The following GRIK2 variants were observed in gnomAD, a reference collection of about 807,000 sequenced individuals.
GRIK2 encodes the protein glutamate ionotropic receptor kainate type subunit 2.
A neutral mutation model predicts 100.3 loss-of-function variants in GRIK2; 32 were observed. The observed-to-expected ratio is 0.32, with a 90% CI of 0.24 to 0.43. The LOEUF (loss-of-function observed/expected upper bound fraction) is 0.43, where lower values mean the gene tolerates loss of function less well. Ranked by LOEUF, GRIK2 falls within the 20% of genes least tolerant of loss-of-function variation. The pLI is 1.00. For synonymous variants in GRIK2, 417 were observed against 389.4 expected, an observed-to-expected ratio of 1.07 and a Z score of -0.83; for missense variants, 843 against 1,114.9, an observed-to-expected ratio of 0.76 and a Z score of 3.47.
At chr6:101,436,399 T>A (rs1052295769) in intron 2 of GRIK2, among the ~76,000 whole-genome samples, 1 of 152,032 alleles carries the variant, frequency 6.6e-6, no homozygotes, top group African/African-American at 2.4e-5. Context: ...CTTAGTGACA[T>A]TGTTAAAAAA....
At chr6:101,633,817 C>T (rs1303814392) in intron 4 of GRIK2, among the ~76,000 whole-genome samples, 4 of 152,124 alleles carry the variant, frequency 2.6e-5, no homozygotes, top group Admixed American at 6.6e-5. Context: ...AGCTTGTAAT[C>T]CCACTATTTT....
intron 2 of GRIK2, among the ~76,000 whole-genome samples, chr6:101,486,097 A>G (rs1290036289): frequency 6.6e-6 from 1 of 152,080 alleles, no homozygotes; most frequent in East Asian, 1.9e-4. Flanking sequence ...TCTCATGTCA[A>G]GATTTTCGCT....
At chr6:101,927,033 A>G (rs1489141599) in intron 13 of GRIK2, among the ~76,000 whole-genome samples, 10 of 152,164 alleles carry the variant, frequency 6.6e-5, no homozygotes, top group Admixed American at 6.5e-4. Flanking sequence ...TGTGTGTCTG[A>G]CAGGGCCTAG....
At chr6:101,973,269 G>C (rs73763609) in intron 14 of GRIK2, among the ~76,000 whole-genome samples, 2,476 of 151,910 alleles carry the variant, frequency 0.016, 73 homozygotes, top group African/African-American at 0.058. Context: ...CTAGAATTCA[G>C]TATTTTTAGC....
intron 2 of GRIK2, among the ~76,000 whole-genome samples, chr6:101,547,567 G>T (rs929954382): frequency 3.9e-5 from 6 of 152,136 alleles, no homozygotes; most frequent in Non-Finnish European, 1.5e-5. Flanking sequence ...AGAACATGCG[G>T]TGTTTGGATT....
chr6:101,688,759 T>C (rs1352809809), intron 7 of GRIK2, among the ~76,000 whole-genome samples: 1 of 151,986 alleles, frequency 6.6e-6, no homozygotes, highest in Admixed American at 6.6e-5. Flanking sequence ...TTCTCTTTCC[T>C]TTGGTATAGT....
At chr6:101,851,396 A>G (rs1172330987) in intron 10 of GRIK2, among the ~76,000 whole-genome samples, 2 of 151,988 alleles carry the variant, frequency 1.3e-5, no homozygotes, top group Non-Finnish European at 2.9e-5. Context: ...CCTAACACCA[A>G]CTTTGATTAT....
chr6:101,547,322 G>GT (rs1776293367), intron 2 of GRIK2, among the ~76,000 whole-genome samples: 2 of 50,384 alleles, frequency 4.0e-5, no homozygotes, highest in South Asian at 6.1e-4. Flanking sequence ...CTTTTTTTTG[G>GT]ATTTTTTTTA....
chr6:101,556,575 A>G (rs1776762458), intron 2 of GRIK2, among the ~76,000 whole-genome samples: 1 of 151,910 alleles, frequency 6.6e-6, no homozygotes, highest in South Asian at 2.1e-4. Context: ...AAATTATTGA[A>G]CTATAAGAAG....
At chr6:101,662,180 G>A (rs1329162584) in intron 4 of GRIK2, among the ~76,000 whole-genome samples, 1 of 152,208 alleles carries the variant, frequency 6.6e-6, no homozygotes, top group Non-Finnish European at 1.5e-5. Context: ...TTGTGATGAA[G>A]AAAGATTAGT....
In GRIK2 at chr6:101,707,592, G is replaced by GTATATATATATA. The variant is rs1451926404; in HGVS notation, c.951+21240_951+21241insATATATATATAT. ...TATATGTGTATGTGTGTGTGTGTGT[G>GTATATATATATA]TGTATATATGTGTGTATATATATAT... On this transcript the variant is annotated intron_variant, in intron 7 of 16. Coordinates refer to ENST00000369134, the MANE Select transcript of GRIK2 (RefSeq NM_021956.5). Among the ~76,000 whole-genome samples, 565 of 127,738 alleles carry GTATATATATATA rather than the reference G, an allele frequency of 4.4e-3. 3 individuals carry two copies. Among genetic ancestry groups the GTATATATATATA allele is most frequent in the South Asian group, 0.012 (47 of 3,820 alleles). The allele number at this position is 127,738 out of a possible 152,430, so 83.8% of individuals were successfully genotyped here. A position where few individuals can be genotyped will look rare whatever the true frequency, so the allele number is the denominator to read the frequency against.
intron 7 of GRIK2, among the ~76,000 whole-genome samples, chr6:101,726,691 G>A (rs1361900915): frequency 6.6e-6 from 1 of 151,972 alleles, no homozygotes; most frequent in Non-Finnish European, 1.5e-5. Context: ...AAAATTATGT[G>A]AGCAGTATGT....
intron 14 of GRIK2, among the ~76,000 whole-genome samples, chr6:101,963,050 A>G (rs1290982139): frequency 4.0e-5 from 6 of 151,600 alleles, no homozygotes; most frequent in Non-Finnish European, 8.8e-5. Context: ...TTAGAATTTA[A>G]TGTTATTATT....
chr6:101,955,129 ATATTC>A (rs1221181749), intron 14 of GRIK2, among the ~76,000 whole-genome samples: 1 of 152,096 alleles, frequency 6.6e-6, no homozygotes, highest in African/African-American at 2.4e-5. Flanking sequence ...TTTTGCATCT[ATATTC>A]ATAAGATATA....
chr6:102,037,395 TCAA>T (rs1450240879), intron 15 of GRIK2, among the ~76,000 whole-genome samples: 4 of 151,412 alleles, frequency 2.6e-5, no homozygotes, highest in African/African-American at 9.7e-5. Context: ...TTGTTAAAAC[TCAA>T]CAATAATTGT....
intron 4 of GRIK2, among the ~76,000 whole-genome samples, chr6:101,642,597 A>G (rs1781327705): frequency 6.6e-6 from 1 of 151,792 alleles, no homozygotes; most frequent in East Asian, 1.9e-4. Context: ...AGGCTCAATT[A>G]TATTCCATTG....
chr6:101,929,840 T>G (rs1456707622), intron 14 of GRIK2, among the ~76,000 whole-genome samples: 1 of 152,156 alleles, frequency 6.6e-6, no homozygotes, highest in Admixed American at 6.6e-5. Context: ...AGATTAAGTA[T>G]TGGATATGGA....
intron 2 of GRIK2, among the ~76,000 whole-genome samples, chr6:101,575,066 A>G (rs537263832): frequency 6.6e-6 from 1 of 151,876 alleles, no homozygotes; most frequent in Admixed American, 6.6e-5. Context: ...ATATTGTCAT[A>G]TGATTTATTC....
intron 7 of GRIK2, among the ~76,000 whole-genome samples, chr6:101,717,280 A>G (rs553286593): frequency 6.6e-6 from 1 of 151,952 alleles, no homozygotes; most frequent in South Asian, 2.1e-4. Context: ...ACAAACCTTC[A>G]GGAGAAAGTA....
Sources: gnomAD v4.1 joint callset for allele counts (sites outside exome capture counted in the v4.1 genomes callset) on GRCh38, gnomAD v4.1.1 for gene constraint, MANE v1.5 for transcripts, NCBI Gene and HGNC (gene_info 2026-07-23, HGNC 2026-07-21) for gene names.